MAST4: variants seen among roughly 807,000 people sequenced by gnomAD.
MAST4 encodes microtubule associated serine/threonine kinase family member 4, also known as microtubule-associated serine/threonine-protein kinase 4.
Under a neutral mutation model 162.7 loss-of-function variants are expected in MAST4, and 89 were observed. That is an observed-to-expected ratio of 0.55 (90% CI 0.46 to 0.65). The LOEUF (loss-of-function observed/expected upper bound fraction) is 0.65. Among genes scored for constraint, MAST4 ranks in the 30% least tolerant of loss-of-function variants. The probability of loss-of-function intolerance (pLI) is 0.00; values close to 1 mark genes in which losing one functional copy is unlikely to be tolerated. For missense variants in MAST4, 3,153 were observed against 3,374.0 expected, an observed-to-expected ratio of 0.93 and a Z score of 1.62; for synonymous variants, 1,479 against 1,361.1, an observed-to-expected ratio of 1.09 and a Z score of -1.91.
rs1746882699 is a variant in MAST4, at chr5:66,661,145, T to C, written c.363+64127T>C. ...AGAAACGCAACGTGAACATAGTGGCTTTACCCTAATAGAGGTTCTCTATAT... is the reference window on the plus strand; with the variant it reads ...AGAAACGCAACGTGAACATAGTGGCCTTACCCTAATAGAGGTTCTCTATAT... On this transcript the variant is annotated intron_variant, in intron 1 of 28. Coordinates refer to ENST00000403625, the MANE Select transcript of MAST4 (RefSeq NM_001164664.2). Among the ~76,000 whole-genome samples, 3 of 152,298 alleles carry C rather than the reference T, an allele frequency of 2.0e-5. No individual in the cohort carries two copies. The South Asian group carries it at 6.2e-4, about 32-fold the overall frequency.
chr5:66,626,240 T>C (rs1435424820), intron 1 of MAST4, among the ~76,000 whole-genome samples: 2 of 152,126 alleles, frequency 1.3e-5, no homozygotes, highest in Non-Finnish European at 2.9e-5. Context: ...GCTAAAAGGG[T>C]AGATCTTAAA....
chr5:66,697,211 A>G (rs1749463852), intron 1 of MAST4, among the ~76,000 whole-genome samples: 1 of 152,166 alleles, frequency 6.6e-6, no homozygotes, highest in South Asian at 2.1e-4. Context: ...TATATCTGCT[A>G]CCCTGAACTT....
intron 4 of MAST4, among the ~76,000 whole-genome samples, chr5:66,907,200 A>AGAGAGT: frequency 1.0e-5 from 1 of 95,562 alleles, no homozygotes; most frequent in Non-Finnish European, 2.4e-5. Flanking sequence ...AGAGAGAGAG[A>AGAGAGT]GAGAGAGTCC....
chr5:66,767,170 CGTGTGTGTGTGTGTGTGTGTGT>C (rs60766673), intron 2 of MAST4, among the ~76,000 whole-genome samples: 141 of 139,562 alleles, frequency 1.0e-3, no homozygotes, highest in Non-Finnish European at 1.8e-3. Flanking sequence ...GTAAAGTGCA[CGTGTGTGTGTGTGTGTGTGTGT>C]GTGTGTGTGT....
chr5:66,868,981 A>G (rs1760732736), intron 3 of MAST4, among the ~76,000 whole-genome samples: 1 of 152,226 alleles, frequency 6.6e-6, no homozygotes, highest in East Asian at 1.9e-4. Flanking sequence ...AAGAAGAGCA[A>G]TAAACCACAG....
At chr5:66,627,724 A>T (rs1163208865) in intron 1 of MAST4, among the ~76,000 whole-genome samples, 1 of 89,646 alleles carries the variant, frequency 1.1e-5, no homozygotes, top group Non-Finnish European at 2.3e-5. Context: ...TTTATCTGTT[A>T]AAAAAAAAAA....
At chr5:66,802,679 A>G (rs1755979661) in intron 3 of MAST4, among the ~76,000 whole-genome samples, 2 of 151,432 alleles carry the variant, frequency 1.3e-5, no homozygotes, top group South Asian at 4.2e-4. Flanking sequence ...AGTGTGGAGG[A>G]TTGTTTTATT....
chr5:66,845,085 TTATATATATATATATATATATA>T (rs752796951), intron 3 of MAST4, among the ~76,000 whole-genome samples: 827 of 57,994 alleles, frequency 0.014, 25 homozygotes, highest in Admixed American at 0.021. Flanking sequence ...TCACTAATCT[TTATATATATATATATATATATA>T]TATATATATA....
At chr5:66,634,717 A>G (rs756394799) in intron 1 of MAST4, among the ~76,000 whole-genome samples, 1 of 152,186 alleles carries the variant, frequency 6.6e-6, no homozygotes, top group Non-Finnish European at 1.5e-5. Flanking sequence ...GAGCAATGGA[A>G]GTTGTTTACA....
At chr5:66,622,533 T>C (rs1458231491) in intron 1 of MAST4, among the ~76,000 whole-genome samples, 1 of 151,258 alleles carries the variant, frequency 6.6e-6, no homozygotes, top group African/African-American at 2.4e-5. Context: ...GTATGGATAA[T>C]AGATTAAAGA....
chr5:66,684,073 G>A (rs2149487870), intron 1 of MAST4, among the ~76,000 whole-genome samples: 1 of 152,316 alleles, frequency 6.6e-6, no homozygotes, highest in East Asian at 1.9e-4. Context: ...TACTAATGTG[G>A]CCGTCTATTT....
intron 1 of MAST4, among the ~76,000 whole-genome samples, chr5:66,645,111 A>G (rs1446897972): frequency 1.3e-5 from 2 of 152,108 alleles, no homozygotes; most frequent in Non-Finnish European, 2.9e-5. Context: ...AAGGGGAGAC[A>G]CTGGGTCTTT....
chr5:66,806,903 C>T (rs1756215008), intron 3 of MAST4, among the ~76,000 whole-genome samples: 1 of 152,122 alleles, frequency 6.6e-6, no homozygotes, highest in South Asian at 2.1e-4. Flanking sequence ...TCTCTCTAAC[C>T]CCATTTTCCT....
chr5:67,018,635 G>T (rs1396546546), intron 4 of MAST4, among the ~76,000 whole-genome samples: 1 of 152,192 alleles, frequency 6.6e-6, no homozygotes, highest in African/African-American at 2.4e-5. Flanking sequence ...GAAGGAAACA[G>T]GGCCTTGACA....
chr5:67,091,066 C>T (rs912295392), intron 6 of MAST4, among the ~76,000 whole-genome samples: 1 of 151,836 alleles, frequency 6.6e-6, no homozygotes, highest in Non-Finnish European at 1.5e-5. Context: ...GTTCAGTTTT[C>T]CTCAGAGACC....
chr5:66,963,739 C>T, intron 4 of MAST4: 1 of 779,830 alleles, frequency 1.3e-6, no homozygotes, highest in Admixed American at 1.7e-5. Context: ...CCAACCCCAT[C>T]CAGCCCAGGC....
At chr5:66,705,529 G>A (rs1750075623) in intron 1 of MAST4, among the ~76,000 whole-genome samples, 5 of 152,200 alleles carry the variant, frequency 3.3e-5, no homozygotes, top group Admixed American at 3.3e-4. Flanking sequence ...CACAGGAACG[G>A]TTTCAGGTTC....
intron 3 of MAST4, among the ~76,000 whole-genome samples, chr5:66,897,748 G>A (rs183283315): frequency 3.5e-4 from 54 of 152,312 alleles, no homozygotes; most frequent in African/African-American, 1.3e-3. Context: ...CCGTGGAGCA[G>A]CAGTGCTGGG....
intron 4 of MAST4, among the ~76,000 whole-genome samples, chr5:66,956,073 T>G (rs943664810): frequency 4.6e-5 from 7 of 152,018 alleles, no homozygotes; most frequent in Admixed American, 2.0e-4. Context: ...TCCTCCCACC[T>G]CAGCCTCCCA....
Sources: gnomAD v4.1 joint callset for allele counts (sites outside exome capture counted in the v4.1 genomes callset) on GRCh38, gnomAD v4.1.1 for gene constraint, MANE v1.5 for transcripts, NCBI Gene and HGNC (gene_info 2026-07-23, HGNC 2026-07-21) for gene names.